Variants in NUMB observed in about 807,000 individuals in gnomAD.
NUMB encodes the protein protein numb homolog.
NUMB carries 29 observed loss-of-function variants against 59.7 expected under a neutral mutation model. That is an observed-to-expected ratio of 0.49 (90% CI 0.36 to 0.66). The LOEUF is 0.66. NUMB is among the 30% of genes least tolerant of loss of function. The pLI is 0.00. For missense variants in NUMB, 723 were observed against 822.0 expected (o/e 0.88, Z 1.47); for synonymous variants, 288 against 288.2 (o/e 1.00, Z 0.01).
At chr14:73,341,742 T>G (rs1168589791) in intron 4 of NUMB, among the ~76,000 whole-genome samples, 1 of 152,186 alleles carries the variant, frequency 6.6e-6, no homozygotes, top group Admixed American at 6.5e-5. Flanking sequence ...TGTATTACTT[T>G]GATTAAAAAA....
chr14:73,390,586 T>C (rs1227259939), intron 2 of NUMB, among the ~76,000 whole-genome samples: 2 of 149,770 alleles, frequency 1.3e-5, no homozygotes, highest in Non-Finnish European at 3.0e-5. Flanking sequence ...TAGAAATCAT[T>C]ACCCTACTGT....
intron 1 of NUMB, among the ~76,000 whole-genome samples, chr14:73,441,818 T>C (rs538672241): frequency 1.3e-5 from 2 of 152,014 alleles, no homozygotes; most frequent in African/African-American, 2.4e-5. Flanking sequence ...GAGGCTGCAG[T>C]GAGCTATCAT....
chr14:73,328,031 T>G (rs1024837291), intron 4 of NUMB, among the ~76,000 whole-genome samples: 7 of 152,258 alleles, frequency 4.6e-5, no homozygotes, highest in Admixed American at 1.3e-4. Flanking sequence ...TCCCAGCACT[T>G]TGGGAGGTGG....
intron 11 of NUMB, among the ~76,000 whole-genome samples, chr14:73,280,131 T>G (rs1300513271): frequency 6.6e-6 from 1 of 151,984 alleles, no homozygotes; most frequent in African/African-American, 2.4e-5. Context: ...CACTCCAGCC[T>G]GGGCAACAGA....
intron 3 of NUMB, 128 bp from the exon 4 acceptor site, chr14:73,355,894 T>C: frequency 3.1e-6 from 2 of 651,798 alleles, no homozygotes; most frequent in Non-Finnish European, 5.1e-6. Flanking sequence ...TTAAGCAATA[T>C]ATAATTATCA....
In NUMB at chr14:73,458,491, A is replaced by C. The variant is rs2140224602; in HGVS notation, c.-233+2T>G. 1 of 151,540 alleles carries C rather than the reference A, an allele frequency of 6.6e-6. No individual in the cohort carries two copies. The highest frequency in any genetic ancestry group is 2.0e-4 in the East Asian group (1 of 5,112). 9.4% of individuals were successfully genotyped at this position (151,540 alleles called of 1,614,324 possible). On this transcript the variant is annotated splice_donor_variant, in intron 1 of 12. Coordinates refer to ENST00000555238, the MANE Select transcript of NUMB (RefSeq NM_001005743.2). LOFTEE classifies it low-confidence loss of function (5UTR_SPLICE). ...TCTCTGACCCGCGTTACCGGCACTCACCTGCCGCTGCCCCCGACCAACTCA... is the reference window on the plus strand; with the variant it reads ...TCTCTGACCCGCGTTACCGGCACTCCCCTGCCGCTGCCCCCGACCAACTCA...
chr14:73,335,192 G>C (rs1210178026), intron 4 of NUMB, among the ~76,000 whole-genome samples: 1 of 150,204 alleles, frequency 6.7e-6, no homozygotes, highest in East Asian at 2.0e-4. Flanking sequence ...TTACCTGTAG[G>C]ATCTGAGGAA....
chr14:73,340,049 T>G (rs1892547923), intron 4 of NUMB, among the ~76,000 whole-genome samples: 1 of 152,106 alleles, frequency 6.6e-6, no homozygotes, highest in African/African-American at 2.4e-5. Context: ...GCACAGAGAT[T>G]AGGGAAGCTA....
chr14:73,365,496 A>G (rs1894301425), intron 3 of NUMB, among the ~76,000 whole-genome samples: 1 of 152,204 alleles, frequency 6.6e-6, no homozygotes, highest in South Asian at 2.1e-4. Context: ...AATAAAAGCT[A>G]TAGGCTGGGC....
chr14:73,417,443 T>C (rs1191820165), intron 1 of NUMB, among the ~76,000 whole-genome samples: 4 of 151,884 alleles, frequency 2.6e-5, no homozygotes, highest in South Asian at 4.2e-4. Context: ...AACTGAGCCA[T>C]ACCGCTATCA....
intron 4 of NUMB, among the ~76,000 whole-genome samples, chr14:73,328,731 A>G (rs1414137327): frequency 2.0e-5 from 3 of 152,042 alleles, no homozygotes; most frequent in Admixed American, 1.3e-4. Flanking sequence ...TTGATGAAGT[A>G]TCTGTTTAAA....
At chr14:73,308,386 G>A (rs924202488) in intron 6 of NUMB, among the ~76,000 whole-genome samples, 1 of 152,158 alleles carries the variant, frequency 6.6e-6, no homozygotes, top group Non-Finnish European at 1.5e-5. Flanking sequence ...AATTTGATTT[G>A]TGACATATTA....
chr14:73,277,758 G>A lies in NUMB; in HGVS notation c.1241-465C>T, dbSNP rs111260008. On this transcript the variant is annotated intron_variant, in intron 12 of 12. Coordinates refer to ENST00000555238, the MANE Select transcript of NUMB (RefSeq NM_001005743.2). ...GCCTGGGCAACACAGTGAGAATTCT[G>A]TCTTAAAAAAAAAAAAAGGCCACGT... 5.3e-3 allele frequency among the ~76,000 whole-genome samples: 677 copies of A among 127,904 alleles called. 4 individuals carry two copies. The highest frequency in any genetic ancestry group is 0.022 in the African/African-American group (655 of 30,250). 83.9% of individuals were successfully genotyped at this position (127,904 alleles called of 152,430 possible). A position where few individuals can be genotyped will look rare whatever the true frequency, so the allele number is the denominator to read the frequency against.
intron 1 of NUMB, among the ~76,000 whole-genome samples, chr14:73,455,414 A>G (rs1884289586): frequency 6.6e-6 from 1 of 152,232 alleles, no homozygotes; most frequent in Admixed American, 6.5e-5. Context: ...AAACATACAT[A>G]TTCTTTTTAA....
In NUMB at chr14:73,275,551, G is replaced by A. The variant is rs1888097607; in HGVS notation, c.*1027C>T. ...GTGTTCCCTTCTATGGTATGATTAT[G>A]TCATGTTACCTTAGTGTTAAAGGAT... On this transcript the variant is annotated 3_prime_UTR_variant, in exon 13 of 13. Coordinates refer to ENST00000555238, the MANE Select transcript of NUMB (RefSeq NM_001005743.2). 1 of 152,050 alleles carries A rather than the reference G, an allele frequency of 6.6e-6. No homozygotes were observed. Among genetic ancestry groups the A allele is most frequent in the African/African-American group, 2.4e-5 (1 of 41,466 alleles). The allele number at this position is 152,050 out of a possible 1,614,324, so 9.4% of individuals were successfully genotyped here.
intron 1 of NUMB, among the ~76,000 whole-genome samples, chr14:73,411,829 C>T (rs913404223): frequency 6.6e-6 from 1 of 151,476 alleles, no homozygotes; most frequent in Non-Finnish European, 1.5e-5. Context: ...ATATTGCTAT[C>T]TGAATATACA....
chr14:73,445,875 G>A (rs181833574), intron 1 of NUMB, among the ~76,000 whole-genome samples: 1 of 152,110 alleles, frequency 6.6e-6, no homozygotes, highest in Non-Finnish European at 1.5e-5. Flanking sequence ...ATGTGGGGGA[G>A]GGGTTCCATC....
intron 1 of NUMB, among the ~76,000 whole-genome samples, chr14:73,440,243 A>ATATACATCCATATATC (rs1882944697): frequency 1.3e-5 from 2 of 148,664 alleles, no homozygotes; most frequent in African/African-American, 2.5e-5. Context: ...ATCCATATAT[A>ATATACATCCATATATC]TATACATCCA....
At chr14:73,441,641 C>T (rs987625807) in intron 1 of NUMB, among the ~76,000 whole-genome samples, 24 of 152,092 alleles carry the variant, frequency 1.6e-4, no homozygotes, top group African/African-American at 5.5e-4. Context: ...CTTTGGGAGG[C>T]GAGGAGAAAG....
Sources: gnomAD v4.1 joint callset for allele counts (sites outside exome capture counted in the v4.1 genomes callset) on GRCh38, gnomAD v4.1.1 for gene constraint, MANE v1.5 for transcripts, NCBI Gene and HGNC (gene_info 2026-07-23, HGNC 2026-07-21) for gene names.